MAP3K7CL: variants seen among roughly 807,000 people sequenced by gnomAD.
MAP3K7CL encodes the protein MAP3K7 C-terminal-like protein.
In MAP3K7CL, 16 loss-of-function variants were observed where a neutral mutation model predicts 18.6. The ratio of observed to expected loss-of-function variants is 0.86; its 90% CI spans 0.58 to 1.31. MAP3K7CL has a LOEUF of 1.31. Among genes scored for constraint, MAP3K7CL ranks in the 50% most tolerant of loss-of-function variants. The pLI, the probability that MAP3K7CL is intolerant of heterozygous loss-of-function variation, is 0.00. For missense variants in MAP3K7CL, 163 were observed against 174.4 expected (o/e 0.93, Z 0.37); for synonymous variants, 65 against 66.8 (o/e 0.97, Z 0.13).
chr21:29,089,208 G>A (rs1346102238), intron 1 of MAP3K7CL, among the ~76,000 whole-genome samples: 3 of 123,296 alleles, frequency 2.4e-5, no homozygotes, highest in African/African-American at 6.8e-5. Context: ...AAAAGACACT[G>A]GTCCTGGGGT....
At chr21:29,138,807 TC>T (rs2086939444) in intron 2 of MAP3K7CL, among the ~76,000 whole-genome samples, 1 of 151,924 alleles carries the variant, frequency 6.6e-6, no homozygotes, top group Non-Finnish European at 1.5e-5. Flanking sequence ...ATGAGACCTA[TC>T]TCTATAAAAA....
intron 4 of MAP3K7CL, among the ~76,000 whole-genome samples, chr21:29,105,891 A>G (rs1305285492): frequency 6.6e-6 from 1 of 152,132 alleles, no homozygotes; most frequent in Non-Finnish European, 1.5e-5. Flanking sequence ...GACAGAAAAA[A>G]ATTCTACTCC....
chr21:29,104,635 G>T (rs990346245), intron 4 of MAP3K7CL, among the ~76,000 whole-genome samples: 3 of 152,244 alleles, frequency 2.0e-5, no homozygotes, highest in South Asian at 2.1e-4. Context: ...TCCTGAGCTG[G>T]AGTATTTGGA....
At chr21:29,098,469 C>A (rs570895291) in intron 4 of MAP3K7CL, among the ~76,000 whole-genome samples, 1 of 152,032 alleles carries the variant, frequency 6.6e-6, no homozygotes, top group Admixed American at 6.6e-5. Context: ...TTAAAAAACA[C>A]GTACTGGTTT....
chr21:29,140,977 A>G (rs2086993863), intron 2 of MAP3K7CL, among the ~76,000 whole-genome samples: 1 of 152,054 alleles, frequency 6.6e-6, no homozygotes, highest in Non-Finnish European at 1.5e-5. Flanking sequence ...GCATCTCACT[A>G]TGTTGCTCAG....
chr21:29,079,419 C>A (rs557941751), intron 1 of MAP3K7CL, among the ~76,000 whole-genome samples: 1 of 152,350 alleles, frequency 6.6e-6, no homozygotes, highest in South Asian at 2.1e-4. Flanking sequence ...TTAGCTTTGG[C>A]TTGCTTCCTT....
chr21:29,167,185 C>T (rs2087709410), intron 4 of MAP3K7CL, among the ~76,000 whole-genome samples: 3 of 152,174 alleles, frequency 2.0e-5, no homozygotes, highest in Non-Finnish European at 4.4e-5. Flanking sequence ...CTTCATTGGC[C>T]ATTTCTATCT....
At chr21:29,166,281 A>G (rs1420803582) in intron 4 of MAP3K7CL, among the ~76,000 whole-genome samples, 1 of 152,102 alleles carries the variant, frequency 6.6e-6, no homozygotes, top group Non-Finnish European at 1.5e-5. Flanking sequence ...TGCCTCACTT[A>G]TTTCATTTAA....
At chr21:29,123,449 A>T (rs1344898550) in intron 4 of MAP3K7CL, among the ~76,000 whole-genome samples, 1 of 152,186 alleles carries the variant, frequency 6.6e-6, no homozygotes. Context: ...GAGTTTCTAG[A>T]TCCAATGGCT....
At chr21:29,079,136 C>T (rs918198624) in intron 1 of MAP3K7CL, among the ~76,000 whole-genome samples, 1 of 152,188 alleles carries the variant, frequency 6.6e-6, no homozygotes, top group African/African-American at 2.4e-5. Flanking sequence ...ACCCACGTCT[C>T]ATCAGAACAC....
At chr21:29,156,134 AAATAACAAGGG>A (rs2087398962) in intron 3 of MAP3K7CL, among the ~76,000 whole-genome samples, 2 of 152,250 alleles carry the variant, frequency 1.3e-5, no homozygotes, top group African/African-American at 4.8e-5. Flanking sequence ...ATTGTGGAGA[AAATAACAAGGG>A]AATTTTTTTC....
At chr21:29,133,141 A>T (rs1408371840) in intron 1 of MAP3K7CL, among the ~76,000 whole-genome samples, 165 bp from the exon 2 acceptor site, 5 of 152,342 alleles carry the variant, frequency 3.3e-5, no homozygotes, top group African/African-American at 1.2e-4. Context: ...AATGGGGCGG[A>T]TGAATACTTT....
intron 4 of MAP3K7CL, among the ~76,000 whole-genome samples, chr21:29,111,463 C>A (rs2086419631): frequency 6.6e-6 from 1 of 152,072 alleles, no homozygotes; most frequent in Non-Finnish European, 1.5e-5. Flanking sequence ...CTCCATTGTC[C>A]CCCTTCCCAC....
chr21:29,139,654 G>A (rs1206851815), intron 2 of MAP3K7CL, among the ~76,000 whole-genome samples: 3 of 151,186 alleles, frequency 2.0e-5, no homozygotes, highest in South Asian at 2.1e-4. Flanking sequence ...GTGTGATCTC[G>A]GCTCACTGCA....
chr21:29,099,353 C>A (rs976975675), intron 4 of MAP3K7CL, among the ~76,000 whole-genome samples: 12 of 148,580 alleles, frequency 8.1e-5, no homozygotes, highest in African/African-American at 3.0e-4. Flanking sequence ...CATTTTCCTG[C>A]CTTGGTCTCC....
upstream of MAP3K7CL, among the ~76,000 whole-genome samples, chr21:29,081,786 G>A (rs2085840760): frequency 6.6e-6 from 1 of 152,172 alleles, no homozygotes; most frequent in African/African-American, 2.4e-5. Flanking sequence ...CAAGAAGCAG[G>A]CTTTTGGCAA....
intron 4 of MAP3K7CL, chr21:29,092,645 G>A (rs2086049952): frequency 5.0e-6 from 8 of 1,589,388 alleles, no homozygotes; most frequent in Non-Finnish European, 6.9e-6. Context: ...ACTGCACCAT[G>A]GGAGCCTAAG....
At chr21:29,174,595 G>A in intron 4 of MAP3K7CL, 117 bp from the exon 5 acceptor site, 2 of 1,315,826 alleles carry the variant, frequency 1.5e-6, no homozygotes, top group Non-Finnish European at 2.1e-6. Context: ...GTAGAGATGG[G>A]AAAAAATTCA....
At chr21:29,124,186 C>T (rs547489684) in intron 4 of MAP3K7CL, among the ~76,000 whole-genome samples, 1 of 151,620 alleles carries the variant, frequency 6.6e-6, no homozygotes, top group African/African-American at 2.4e-5. Context: ...AACCCCATCT[C>T]TACTAAAAAA....
Sources: gnomAD v4.1 joint callset for allele counts (sites outside exome capture counted in the v4.1 genomes callset) on GRCh38, gnomAD v4.1.1 for gene constraint, MANE v1.5 for transcripts, NCBI Gene and HGNC (gene_info 2026-07-23, HGNC 2026-07-21) for gene names.